Variants in ABCA13 observed in about 807,000 individuals in gnomAD.
ABCA13 encodes the protein ATP-binding cassette sub-family A member 13.
In ABCA13, 476 loss-of-function variants were observed where a neutral mutation model predicts 478.7. That is an observed-to-expected ratio of 0.99 (90% CI 0.92 to 1.07). The LOEUF is 1.07. ABCA13 is among the 50% of genes least tolerant of loss of function. The probability of loss-of-function intolerance (pLI) is 0.00; values close to 1 mark genes in which losing one functional copy is unlikely to be tolerated. For synonymous variants in ABCA13, 2,252 were observed against 2,158.9 expected (o/e 1.04, Z -1.20); for missense variants, 6,060 against 5,910.6 (o/e 1.03, Z -0.83).
At chr7:48,263,970 A>T (rs974804627) in intron 15 of ABCA13, among the ~76,000 whole-genome samples, 1 of 151,844 alleles carries the variant, frequency 6.6e-6, no homozygotes, top group African/African-American at 2.4e-5. Flanking sequence ...CCCTGTCACC[A>T]GGCTACCATT....
rs760967470 is a variant in ABCA13, at chr7:48,274,013, T to C, written c.4347T>C (p.Cys1449=). The C allele has an allele frequency of 6.2e-7, 1 of 1,606,598 alleles. No individual in the cohort carries two copies. Among genetic ancestry groups the C allele is most frequent in the African/African-American group, 1.3e-5 (1 of 74,682 alleles). The change falls in exon 17 of 62, where the codon TGT becomes TGC. Residue 1449 remains cysteine, a synonymous_variant. Coordinates refer to ENST00000435803, the MANE Select transcript of ABCA13 (RefSeq NM_152701.5). The part of the protein sequence containing the change: ...TWVLNIKKPL[C]SSNGSHINCV... ...TGTTAAATATAAAAAAACCTCTTTG[T>C]TCATCAAATGGCTCACATATAAATT... is the stretch of plus-strand genomic sequence containing the variant.
Position 48,174,378 on chromosome 7 carries a change from C to A in ABCA13, c.69+2826C>A, listed in dbSNP as rs1048872823. 4.0e-5 allele frequency among the ~76,000 whole-genome samples: 6 copies of A among 151,790 alleles called. No individual in the cohort carries two copies. In the South Asian group the frequency reaches 1.3e-3, roughly 32 times the overall value. On this transcript the variant is annotated intron_variant, in intron 1 of 61. Transcript: ENST00000435803. ...TGATAATTTAGTAATTTGTATCATT[C>A]ATAAAGAGCAAATCAGTATATGCTT...
chr7:48,360,953 T>C (rs1810725855), intron 31 of ABCA13, among the ~76,000 whole-genome samples: 1 of 151,664 alleles, frequency 6.6e-6, no homozygotes, highest in African/African-American at 2.4e-5. Context: ...CAAAATTAGC[T>C]GGGCGTTGTG....
At chr7:48,478,293 T>TTTTATA (rs368630546) in intron 45 of ABCA13, among the ~76,000 whole-genome samples, 1 of 132,854 alleles carries the variant, frequency 7.5e-6, no homozygotes, top group Non-Finnish European at 1.6e-5. Flanking sequence ...ATATATCATT[T>TTTTATA]TATATATATA....
chr7:48,520,490 G>A (rs34544554), intron 53 of ABCA13, among the ~76,000 whole-genome samples, 196 bp downstream of exon 53: 12,758 of 152,128 alleles, frequency 0.084, 931 homozygotes, highest in African/African-American at 0.2. Flanking sequence ...AAATTTCAAA[G>A]GATAAGGTGA....
At chr7:48,298,875 G>A (rs1799761977) in intron 23 of ABCA13, among the ~76,000 whole-genome samples, 1 of 152,160 alleles carries the variant, frequency 6.6e-6, no homozygotes, top group South Asian at 2.1e-4. Context: ...AATATCTTAA[G>A]AATCAACTAT....
chr7:48,351,873 A>G (rs1005448012), intron 30 of ABCA13, among the ~76,000 whole-genome samples: 1 of 152,262 alleles, frequency 6.6e-6, no homozygotes, highest in Admixed American at 6.5e-5. Context: ...TGCAATCAAG[A>G]GAAAAAAACC....
intron 57 of ABCA13, among the ~76,000 whole-genome samples, chr7:48,588,790 G>A (rs912205252): frequency 1.3e-4 from 20 of 152,180 alleles, no homozygotes; most frequent in Non-Finnish European, 2.6e-4. Context: ...CAGAGCAATA[G>A]GTTAAAGAGA....
chr7:48,315,488 T>G (rs954885740), intron 26 of ABCA13, among the ~76,000 whole-genome samples: 1 of 152,080 alleles, frequency 6.6e-6, no homozygotes, highest in East Asian at 1.9e-4. Context: ...ATATTCTTTT[T>G]TTTTTTTTTG....
At chr7:48,268,850 C>CTTTTTTTT (rs57201740) in intron 15 of ABCA13, 130 bp from the exon 16 acceptor site, 4 of 245,566 alleles carry the variant, frequency 1.6e-5, no homozygotes, top group South Asian at 8.8e-5. Context: ...TCCTACTCAT[C>CTTTTTTTT]TTTTTTTTTT....
intron 59 of ABCA13, among the ~76,000 whole-genome samples, chr7:48,642,322 T>A (rs922124970): frequency 1.1e-4 from 17 of 152,218 alleles, no homozygotes; most frequent in Admixed American, 6.5e-5. Context: ...CTGTTAGGGA[T>A]CAGCCTCATT....
intron 40 of ABCA13, among the ~76,000 whole-genome samples, chr7:48,411,009 TTC>T (rs1287111302): frequency 3.5e-5 from 4 of 113,320 alleles, no homozygotes. Flanking sequence ...CTTTCTTTCT[TTC>T]TTTCTTTCTT....
intron 14 of ABCA13, 127 bp downstream of exon 14, chr7:48,248,571 T>C: frequency 1.2e-6 from 1 of 817,676 alleles, no homozygotes; most frequent in Middle Eastern, 3.8e-4. Context: ...GTTCAATTTA[T>C]TTTAAAAATA....
chr7:48,342,889 GT>G (rs1361604234), intron 29 of ABCA13, among the ~76,000 whole-genome samples: 2 of 151,990 alleles, frequency 1.3e-5, no homozygotes, highest in Non-Finnish European at 2.9e-5. Flanking sequence ...CATTTCAGTT[GT>G]TGCATTTTCC....
intron 45 of ABCA13, among the ~76,000 whole-genome samples, chr7:48,472,120 T>G (rs1320666284): frequency 6.6e-6 from 1 of 152,146 alleles, no homozygotes; most frequent in Non-Finnish European, 1.5e-5. Flanking sequence ...TTTGGAAAAC[T>G]GATTGGAACT....
intron 55 of ABCA13, among the ~76,000 whole-genome samples, chr7:48,538,712 T>C (rs1352103552): frequency 1.3e-5 from 2 of 152,104 alleles, no homozygotes; most frequent in East Asian, 1.9e-4. Context: ...AGTCATTCTA[T>C]GTACTCCATT....
rs1349723971 is a variant in ABCA13 at position 48,295,865 on chromosome 7, T to A, written c.9119+2T>A. On this transcript the variant is annotated splice_donor_variant, in intron 21 of 61. Transcript: ENST00000435803. LOFTEE classifies it high-confidence loss of function. ...GACGGTGCAGCAGCACTTGTACATG[T>A]ATGCTCTGATATTCTTTCATGCCCT... 1 of 1,597,074 alleles carries A rather than the reference T, an allele frequency of 6.3e-7. No homozygotes were observed.
intron 1 of ABCA13, among the ~76,000 whole-genome samples, chr7:48,187,636 A>C (rs1380880260): frequency 1.3e-5 from 2 of 152,092 alleles, no homozygotes; most frequent in Non-Finnish European, 2.9e-5. Context: ...TTCTTATTCC[A>C]AAAATTGAAA....
chr7:48,637,158 A>G (rs10249966), intron 59 of ABCA13, among the ~76,000 whole-genome samples: 1 of 151,676 alleles, frequency 6.6e-6, no homozygotes, highest in African/African-American at 2.4e-5. Flanking sequence ...GCAGCAGAGC[A>G]CCCCCTTCCT....
Sources: gnomAD v4.1 joint callset for allele counts (sites outside exome capture counted in the v4.1 genomes callset) on GRCh38, gnomAD v4.1.1 for gene constraint, MANE v1.5 for transcripts, NCBI Gene and HGNC (gene_info 2026-07-23, HGNC 2026-07-21) for gene names.